The following DMKN variants were observed in gnomAD, a reference collection of about 807,000 sequenced individuals.
The protein encoded by DMKN is dermokine.
DMKN carries 58 observed loss-of-function variants against 67.6 expected under a neutral mutation model. The observed-to-expected ratio is 0.86, with a 90% CI of 0.69 to 1.07. DMKN has a LOEUF of 1.07. DMKN is among the 50% of genes least tolerant of loss of function. The pLI, the probability that DMKN is intolerant of heterozygous loss-of-function variation, is 0.00. For missense variants in DMKN, 596 were observed against 601.5 expected (o/e 0.99, Z 0.10); for synonymous variants, 240 against 232.3 (o/e 1.03, Z -0.30).
intron 7 of DMKN, 87 bp from the exon 8 acceptor site, chr19:35,506,073 G>A (rs2069448922): frequency 1.2e-6 from 2 of 1,609,052 alleles, no homozygotes; most frequent in East Asian, 4.5e-5. Context: ...GGGGAGGCGA[G>A]GATTGTGTGA....
Position 35,512,724 on chromosome 19 carries a change from G to T in DMKN, c.493C>A (p.Pro165Thr). ...ACCCACGGAGTCCCCAGACCTCCAG[G>T]ATTGCCCTGGCCCTGGCCTCCAAGG... is the stretch of plus-strand genomic sequence containing the variant. ...GGLGGQGQGN[P>T]GGLGTPWVHG... The change falls in exon 2 of 16, where the codon CCT (proline) becomes ACT (threonine). Residue 165 changes from proline to threonine, a missense_variant. Physicochemically the swap from Pro to Thr is conservative, Grantham distance 38. Coordinates refer to ENST00000339686, the MANE Select transcript of DMKN (RefSeq NM_033317.5). 1 of 1,614,140 alleles carries T rather than the reference G, an allele frequency of 6.2e-7. No homozygotes were observed. Among genetic ancestry groups the T allele is most frequent in the Non-Finnish European group, 8.5e-7 (1 of 1,180,020 alleles).
chr19:35,503,200 C>A, intron 9 of DMKN: 1 of 1,418,864 alleles, frequency 7.0e-7, no homozygotes. Context: ...TTCCACCTGC[C>A]GGGCCTCCTC....
rs894936210 is a variant in DMKN at position 35,513,205 on chromosome 19, C to T, written c.271G>A (p.Val91Ile). 8.1e-6 allele frequency: 13 copies of T among 1,614,118 alleles called. No homozygotes were observed. Among genetic ancestry groups the T allele is most frequent in the African/African-American group, 4.0e-5 (3 of 74,940 alleles). The change falls in exon 1 of 16, where the codon GTA (valine) becomes ATA (isoleucine). Residue 91 changes from valine (V) to isoleucine (I), a missense_variant. Val to Ile is a conservative substitution (Grantham distance 29, BLOSUM62 3). Transcript: ENST00000339686. ...TGVRQVPGFG[V>I]ADALGNRVGE... ...ACCCTGTTGCCCAAAGCATCTGCTA[C>T]GCCAAAGCCTGGAACCTGCCTGACT...
chr19:35,512,520 G>A, intron 2 of DMKN, 43 bp from the exon 3 acceptor site: 1 of 1,614,126 alleles, frequency 6.2e-7, no homozygotes. Context: ...AGAGGGACCA[G>A]GGAGGCACGC....
intron 9 of DMKN, among the ~76,000 whole-genome samples, chr19:35,503,761 C>A (rs561151908): frequency 6.6e-6 from 1 of 152,274 alleles, no homozygotes; most frequent in East Asian, 1.9e-4. Flanking sequence ...CAGGCATGAG[C>A]CACCGCGCCT....
At chr19:35,498,563 C>A in intron 15 of DMKN, 153 bp downstream of exon 15, 1 of 1,056,118 alleles carries the variant, frequency 9.5e-7, no homozygotes, top group East Asian at 2.6e-5. Context: ...GTCCCCTCTT[C>A]CTTATCACCT....
chr19:35,512,299 C>T (rs985706849), intron 3 of DMKN, 122 bp downstream of exon 3: 21 of 1,351,038 alleles, frequency 1.6e-5, no homozygotes, highest in Non-Finnish European at 2.1e-5. Context: ...CGCCCAGCCC[C>T]ATCTCTTCCT....
intron 6 of DMKN, 63 bp downstream of exon 6, chr19:35,510,121 G>A: frequency 6.4e-7 from 1 of 1,567,538 alleles, no homozygotes; most frequent in African/African-American, 1.4e-5. Context: ...GATCCTGCGA[G>A]TGAAACCAGC....
intron 11 of DMKN, among the ~76,000 whole-genome samples, chr19:35,501,240 G>T (rs970362249): frequency 6.6e-6 from 1 of 152,166 alleles, no homozygotes; most frequent in Non-Finnish European, 1.5e-5. Flanking sequence ...TGACAGTGAA[G>T]TCCTGACTCC....
At chr19:35,510,635 A>G (rs2070583884) in intron 5 of DMKN, 1 of 1,328,420 alleles carries the variant, frequency 7.5e-7, no homozygotes, top group Non-Finnish European at 1.0e-6. Flanking sequence ...CATTCCCAGA[A>G]CTGCCCTAGA....
At chr19:35,503,290 G>A in intron 9 of DMKN, 3 of 1,508,804 alleles carry the variant, frequency 2.0e-6, no homozygotes, top group Non-Finnish European at 2.7e-6. Context: ...TAAGAAAGGA[G>A]CAGAGGCCAG....
At chr19:35,497,838 C>T (rs1205940731) in intron 15 of DMKN, 1 of 152,480 alleles carries the variant, frequency 6.6e-6, no homozygotes, top group Non-Finnish European at 1.5e-5. Context: ...ATCTAGAACA[C>T]CATCTTCTCA....
At position 35,513,206 on chromosome 19, in the gene DMKN, G is replaced by T; in HGVS notation, c.270C>A (p.Gly90=). ...GTGVRQVPGF[G]VADALGNRVG... ...CCCTGTTGCCCAAAGCATCTGCTACGCCAAAGCCTGGAACCTGCCTGACTC... is the reference window on the plus strand; with the variant it reads ...CCCTGTTGCCCAAAGCATCTGCTACTCCAAAGCCTGGAACCTGCCTGACTC... The change falls in exon 1 of 16, where the codon GGC becomes GGA. Residue 90 remains glycine (G), a synonymous_variant. Transcript: ENST00000339686. 6.2e-7 allele frequency: 1 copy of T among 1,614,198 alleles called. No individual in the cohort carries two copies. Among genetic ancestry groups the T allele is most frequent in the Non-Finnish European group, 8.5e-7 (1 of 1,180,034 alleles).
chr19:35,506,559 G>A, intron 7 of DMKN: 1 of 479,028 alleles, frequency 2.1e-6, no homozygotes, highest in Non-Finnish European at 4.1e-6. Flanking sequence ...ACCTTGGTCT[G>A]GTGGTGACAT....
At position 35,511,516 on chromosome 19, in the gene DMKN, G is replaced by A; in HGVS notation, c.813C>T (p.Gly271=). ...GDNNNGSSSG[G]SSSGSSSGGS... ...CGCCACTGCTGCTGCCACTGCTGCT[G>A]CCACCACTGCTGCTGCCATTGTTGT... is the stretch of plus-strand genomic sequence containing the variant. Residue 271 remains glycine, a synonymous_variant, in exon 5 of 16, where the codon GGC becomes GGT. Coordinates refer to ENST00000339686, the MANE Select transcript of DMKN (RefSeq NM_033317.5). The A allele has an allele frequency of 6.5e-7, 1 of 1,530,272 alleles. No homozygotes were observed. The highest frequency in any genetic ancestry group is 8.8e-7 in the Non-Finnish European group (1 of 1,135,780). The allele number at this position is 1,530,272 out of a possible 1,614,324, so 94.8% of individuals were successfully genotyped here.
chr19:35,502,711 A>T (rs1248002824), intron 10 of DMKN, 119 bp downstream of exon 10: 1 of 1,041,800 alleles, frequency 9.6e-7, no homozygotes, highest in Non-Finnish European at 1.5e-6. Context: ...TCTCAAAAAA[A>T]AAAAGGGGGG....
At chr19:35,510,006 G>A (rs2070421351) in intron 6 of DMKN, 45 bp from the exon 7 acceptor site, 2 of 1,611,528 alleles carry the variant, frequency 1.2e-6, no homozygotes, top group Non-Finnish European at 1.7e-6. Context: ...TCCCCTCCCA[G>A]ACCAGTCCCA....
chr19:35,501,928 G>A lies in DMKN; in HGVS notation c.1239+208C>T, dbSNP rs200143599. On this transcript the variant is annotated intron_variant, in intron 11 of 15. Coordinates refer to ENST00000339686, the MANE Select transcript of DMKN (RefSeq NM_033317.5). ...TGTGCTTGTGGAGGCCCCAGCCCTC[G>A]GCCTCGGCTTTTATGCTAGGGAGGT... 2.0e-3 allele frequency: 3,131 copies of A among 1,561,388 alleles called. 1 individual carries two copies. The highest frequency in any genetic ancestry group is 2.5e-3 in the Non-Finnish European group (2,871 of 1,152,642).
intron 9 of DMKN, 124 bp downstream of exon 9, chr19:35,505,594 T>G (rs576712006): frequency 7.8e-7 from 1 of 1,287,694 alleles, no homozygotes; most frequent in African/African-American, 1.5e-5. Context: ...TGTGTTTAGT[T>G]TTTGTTTTTA....
Sources: allele counts gnomAD v4.1 joint callset (sites outside exome capture counted in the v4.1 genomes callset), GRCh38; gene constraint gnomAD v4.1.1; transcripts MANE v1.5; gene names NCBI Gene and HGNC (gene_info 2026-07-23, HGNC 2026-07-21).